RAD51B: variants seen among roughly 807,000 people sequenced by gnomAD.
RAD51B encodes the protein DNA repair protein RAD51 homolog 2.
A neutral mutation model predicts 42.2 loss-of-function variants in RAD51B; 38 were observed. The ratio of observed to expected loss-of-function variants is 0.90; its 90% confidence interval spans 0.70 to 1.18. RAD51B has a LOEUF of 1.18. RAD51B is among the 50% of genes most tolerant of loss of function. The pLI is 0.00. For synonymous variants in RAD51B, 154 were observed against 145.2 expected (o/e 1.06, Z -0.43); for missense variants, 373 against 400.7 (o/e 0.93, Z 0.59).
chr14:68,528,543 A>T (rs1349944407), intron 10 of RAD51B, among the ~76,000 whole-genome samples: 3 of 152,324 alleles, frequency 2.0e-5, no homozygotes, highest in South Asian at 2.1e-4. Context: ...CATATTACTA[A>T]ACATCTTGAC....
chr14:68,121,881 A>T (rs937939921), intron 7 of RAD51B, among the ~76,000 whole-genome samples: 1 of 151,806 alleles, frequency 6.6e-6, no homozygotes, highest in Non-Finnish European at 1.5e-5. Context: ...GCTGGTATAG[A>T]TAGTTAAATG....
At chr14:68,094,577 A>C (rs994240616) in intron 7 of RAD51B, among the ~76,000 whole-genome samples, 22 of 152,214 alleles carry the variant, frequency 1.4e-4, no homozygotes, top group Non-Finnish European at 2.8e-4. Flanking sequence ...CAGACAATTA[A>C]GTTTTTGCTT....
chr14:68,597,488 G>T (rs1225740461), downstream of RAD51B, among the ~76,000 whole-genome samples: 1 of 152,230 alleles, frequency 6.6e-6, no homozygotes, highest in Non-Finnish European at 1.5e-5. Context: ...CGTGTCTCTT[G>T]TAGGAACATG....
At chr14:68,115,542 TAAA>T (rs368351598) in intron 7 of RAD51B, among the ~76,000 whole-genome samples, 1 of 68,004 alleles carries the variant, frequency 1.5e-5, no homozygotes, top group African/African-American at 3.6e-5. Context: ...ACTTAAAGTA[TAAA>T]AAAAAAAAAA....
At chr14:68,084,878 A>G (rs1408209817) in intron 7 of RAD51B, among the ~76,000 whole-genome samples, 1 of 152,202 alleles carries the variant, frequency 6.6e-6, no homozygotes, top group Non-Finnish European at 1.5e-5. Context: ...AATAAGTCTG[A>G]TGGTAGACCA....
intron 7 of RAD51B, among the ~76,000 whole-genome samples, chr14:68,021,097 G>C (rs1406677854): frequency 6.6e-6 from 1 of 152,186 alleles, no homozygotes; most frequent in Non-Finnish European, 1.5e-5. Flanking sequence ...TGTCTGCCTT[G>C]TTCAAGTGAC....
At chr14:68,561,679 C>G (rs1392844150) in intron 10 of RAD51B, among the ~76,000 whole-genome samples, 1 of 152,184 alleles carries the variant, frequency 6.6e-6, no homozygotes, top group Non-Finnish European at 1.5e-5. Context: ...ATGTTTACAT[C>G]TGGGCACTGG....
At position 67,891,314 on chromosome 14, in the gene RAD51B, C is replaced by T. The variant is rs186212704; in HGVS notation, c.756+4110C>T. On this transcript the variant is annotated intron_variant, in intron 7 of 10. Coordinates refer to ENST00000471583, the MANE Select transcript of RAD51B (RefSeq NM_133510.4). ...TGTTGTTAAAATCCAAATTATTTTA[C>T]TAAGATGTGCTTATAATCCGTTTTT... 2.0e-4 allele frequency among the ~76,000 whole-genome samples: 31 copies of T among 152,236 alleles called. No homozygotes were observed. The East Asian group carries it at 6.0e-3, about 29-fold the overall frequency.
At chr14:68,216,449 T>C (rs1279036362) in intron 7 of RAD51B, among the ~76,000 whole-genome samples, 1 of 152,218 alleles carries the variant, frequency 6.6e-6, no homozygotes, top group Non-Finnish European at 1.5e-5. Flanking sequence ...GGAAATTGAA[T>C]CTTAAGGACA....
rs2086102337 is a variant in RAD51B at position 68,470,717 on chromosome 14, T to C, written c.1036+2467T>C. On this transcript the variant is annotated intron_variant, in intron 10 of 10. Transcript: ENST00000471583. ...TTCATTTCATAAAATATTTCTTGTGTGATTGTGTGTTTGTGAATGTCCACA... is the reference window on the plus strand; with the variant it reads ...TTCATTTCATAAAATATTTCTTGTGCGATTGTGTGTTTGTGAATGTCCACA... 4 of 437,272 alleles carry C rather than the reference T, an allele frequency of 9.1e-6. No individual in the cohort carries two copies. The Admixed American group carries it at 1.3e-4, about 15-fold the overall frequency. The allele number at this position is 437,272 out of a possible 1,614,324, so 27.1% of individuals were successfully genotyped here.
intron 8 of RAD51B, among the ~76,000 whole-genome samples, chr14:68,404,585 A>C (rs1303226126): frequency 6.6e-6 from 1 of 152,194 alleles, no homozygotes; most frequent in Non-Finnish European, 1.5e-5. Flanking sequence ...AAGTGATTCT[A>C]TCACTGCAAT....
chr14:67,854,852 G>C (rs572723193), intron 4 of RAD51B, among the ~76,000 whole-genome samples: 17 of 152,076 alleles, frequency 1.1e-4, no homozygotes, highest in African/African-American at 4.1e-4. Flanking sequence ...TATAGTCCCA[G>C]CTACTTAGGA....
chr14:67,996,819 A>T (rs181067369), intron 7 of RAD51B, among the ~76,000 whole-genome samples: 26 of 152,316 alleles, frequency 1.7e-4, no homozygotes, highest in Admixed American at 1.7e-3. Flanking sequence ...ACAAGCTAGG[A>T]GGTTGTTGGA....
intron 8 of RAD51B, among the ~76,000 whole-genome samples, chr14:68,385,385 G>A (rs2064910): frequency 0.86 from 130,332 of 152,214 alleles, 56,091 homozygotes; most frequent in East Asian, 0.97. Context: ...CTTCCCTTCC[G>A]GCACTCCTTC....
chr14:68,405,318 C>T lies in RAD51B; in HGVS notation c.854-6106C>T, dbSNP rs529050577. 2.0e-5 allele frequency among the ~76,000 whole-genome samples: 3 copies of T among 152,190 alleles called. No individual in the cohort carries two copies. In the South Asian group the frequency reaches 6.2e-4, roughly 32 times the overall value. ...AGTTAGCCAATCATTGTGGCATGTG[C>T]CTGTGGTCCCAGCTACTCGGTAGGC... On this transcript the variant is annotated intron_variant, in intron 8 of 10. Transcript: ENST00000471583.
chr14:68,052,929 G>A (rs191805242), intron 7 of RAD51B, among the ~76,000 whole-genome samples: 151 of 151,996 alleles, frequency 9.9e-4, no homozygotes, highest in African/African-American at 2.9e-3. Context: ...CACCGTGTCC[G>A]GCCAATTTCT....
chr14:67,963,667 C>T lies in RAD51B; in HGVS notation c.756+76463C>T, dbSNP rs565575077. 1.2e-4 allele frequency among the ~76,000 whole-genome samples: 19 copies of T among 152,066 alleles called. No homozygotes were observed. The South Asian group carries it at 3.7e-3, about 30-fold the overall frequency. Reference sequence around the variant, plus strand: ...AATGACAGAGCTGAACTAGATTAGCCGGTTGCAATCTTTCTCTTTAAACTA... The same window carrying T: ...AATGACAGAGCTGAACTAGATTAGCTGGTTGCAATCTTTCTCTTTAAACTA... On this transcript the variant is annotated intron_variant, in intron 7 of 10. Transcript: ENST00000471583.
At chr14:68,468,087 C>A in intron 9 of RAD51B, 85 bp from the exon 10 acceptor site, 2 of 1,181,330 alleles carry the variant, frequency 1.7e-6, no homozygotes, top group Non-Finnish European at 2.5e-6. Flanking sequence ...TATGTTACCA[C>A]TTTGTCTCAA....
intron 7 of RAD51B, among the ~76,000 whole-genome samples, chr14:68,178,123 T>C (rs2078995196): frequency 6.6e-6 from 1 of 152,116 alleles, no homozygotes; most frequent in South Asian, 2.1e-4. Context: ...AAACAGCAAG[T>C]ATAAACTGAA....
Sources: allele counts gnomAD v4.1 joint callset (sites outside exome capture counted in the v4.1 genomes callset), GRCh38; gene constraint gnomAD v4.1.1; transcripts MANE v1.5; gene names NCBI Gene and HGNC (gene_info 2026-07-23, HGNC 2026-07-21).